Variants in CADM2 observed in about 807,000 individuals in gnomAD.
CADM2 encodes immunoglobulin superfamily member 4D.
In CADM2, 12 loss-of-function variants were observed where a neutral mutation model predicts 49.8. The observed-to-expected ratio is 0.24, with a 90% CI of 0.15 to 0.39. CADM2 has a LOEUF of 0.39. Ranked by LOEUF, CADM2 falls within the 10% of genes least tolerant of loss-of-function variation. The probability of loss-of-function intolerance (pLI) is 1.00; values close to 1 mark genes in which losing one functional copy is unlikely to be tolerated. For missense variants in CADM2, 378 were observed against 492.3 expected, an observed-to-expected ratio of 0.77 and a Z score of 2.20; for synonymous variants, 214 against 175.4, an observed-to-expected ratio of 1.22 and a Z score of -1.74.
chr3:85,409,493 G>T (rs2035559561), intron 1 of CADM2, among the ~76,000 whole-genome samples: 1 of 152,044 alleles, frequency 6.6e-6, no homozygotes, highest in Admixed American at 6.6e-5. Flanking sequence ...ATGGTCAGGG[G>T]CCATGTTGTG....
At chr3:85,254,602 A>G (rs1243062381) in intron 1 of CADM2, among the ~76,000 whole-genome samples, 1 of 152,132 alleles carries the variant, frequency 6.6e-6, no homozygotes, top group East Asian at 1.9e-4. Flanking sequence ...TGCCAAGAAC[A>G]AAGACAAAAA....
intron 1 of CADM2, among the ~76,000 whole-genome samples, chr3:85,672,191 C>CTT (rs5850710): frequency 0.01 from 1,273 of 124,278 alleles, 59 homozygotes; most frequent in South Asian, 0.096. Flanking sequence ...TCTAGGATGT[C>CTT]TTTTTTTTTT....
intron 1 of CADM2, among the ~76,000 whole-genome samples, chr3:85,338,853 C>G (rs2107184058): frequency 6.6e-6 from 1 of 151,528 alleles, no homozygotes; most frequent in South Asian, 2.1e-4. Context: ...AAGGCATCTA[C>G]TTAGATATAG....
At chr3:85,395,131 A>T (rs1576475309) in intron 1 of CADM2, among the ~76,000 whole-genome samples, 1 of 151,420 alleles carries the variant, frequency 6.6e-6, no homozygotes, top group Non-Finnish European at 1.5e-5. Flanking sequence ...AAAAAAAAAT[A>T]AAGCAATAAA....
At chr3:84,979,629 C>A (rs55804926) in intron 1 of CADM2, among the ~76,000 whole-genome samples, 1 of 151,690 alleles carries the variant, frequency 6.6e-6, no homozygotes. Flanking sequence ...CAGGAATAAA[C>A]TTCAATAAAT....
chr3:86,071,881 C>T lies in CADM2; in HGVS notation c.*5098C>T, dbSNP rs1456304694. 1.3e-5 allele frequency: 2 copies of T among 151,754 alleles called. No individual in the cohort carries two copies. The highest frequency in any genetic ancestry group is 2.9e-5 in the Non-Finnish European group (2 of 67,850). The allele number at this position is 151,754 out of a possible 1,614,324, so 9.4% of individuals were successfully genotyped here. On this transcript the variant is annotated 3_prime_UTR_variant, in exon 10 of 10. Coordinates refer to ENST00000383699, the MANE Select transcript of CADM2 (RefSeq NM_001167675.2). ...AATTAAAATGGCAACACTTTGCGAT[C>T]CAATCTGATATTTAATTTTTAAAAT...
chr3:85,946,907 C>T (rs758960904), intron 7 of CADM2, among the ~76,000 whole-genome samples: 1 of 152,060 alleles, frequency 6.6e-6, no homozygotes, highest in Non-Finnish European at 1.5e-5. Context: ...ATGTCTAAAA[C>T]ACCAAAAGCA....
At chr3:85,459,580 C>A (rs1231484673) in intron 1 of CADM2, among the ~76,000 whole-genome samples, 1 of 152,178 alleles carries the variant, frequency 6.6e-6, no homozygotes, top group East Asian at 1.9e-4. Context: ...TGACCCTAAC[C>A]AGATGCTGAA....
At chr3:85,672,727 T>C (rs1390806627) in intron 1 of CADM2, among the ~76,000 whole-genome samples, 1 of 152,094 alleles carries the variant, frequency 6.6e-6, no homozygotes, top group Admixed American at 6.6e-5. Flanking sequence ...AACACAAGCA[T>C]AAAAATAGTT....
At chr3:85,050,181 C>T (rs1024695616) in intron 1 of CADM2, among the ~76,000 whole-genome samples, 1 of 151,828 alleles carries the variant, frequency 6.6e-6, no homozygotes, top group Non-Finnish European at 1.5e-5. Context: ...AGCCACTGGT[C>T]TCCAATAACT....
intron 1 of CADM2, among the ~76,000 whole-genome samples, chr3:85,684,613 C>A (rs915454947): frequency 3.3e-5 from 5 of 152,116 alleles, no homozygotes; most frequent in Non-Finnish European, 7.4e-5. Flanking sequence ...TTAATGGACT[C>A]ATAGTTCCAC....
At chr3:85,009,311 T>A (rs1576022800) in intron 1 of CADM2, among the ~76,000 whole-genome samples, 1 of 152,072 alleles carries the variant, frequency 6.6e-6, no homozygotes, top group Admixed American at 6.6e-5. Flanking sequence ...TAAATATGAG[T>A]GGAAGATAGA....
At chr3:85,249,598 A>G (rs1381905105) in intron 1 of CADM2, among the ~76,000 whole-genome samples, 1 of 152,000 alleles carries the variant, frequency 6.6e-6, no homozygotes, top group East Asian at 1.9e-4. Flanking sequence ...ACATTACCAG[A>G]ATATCTTTCC....
At chr3:85,860,723 C>T (rs963959655) in intron 3 of CADM2, among the ~76,000 whole-genome samples, 4 of 152,132 alleles carry the variant, frequency 2.6e-5, no homozygotes, top group Non-Finnish European at 5.9e-5. Flanking sequence ...CAAAAGTCAT[C>T]CTTTCCTTAT....
intron 5 of CADM2, among the ~76,000 whole-genome samples, chr3:85,908,294 G>T (rs1717085255): frequency 8.0e-6 from 1 of 125,690 alleles, no homozygotes. Context: ...CTAACTTGAA[G>T]CATTTAAACT....
chr3:85,655,317 C>T (rs887471560), intron 1 of CADM2, among the ~76,000 whole-genome samples: 16 of 151,988 alleles, frequency 1.1e-4, no homozygotes, highest in African/African-American at 1.9e-4. Context: ...TCCGCCACCA[C>T]GCCCAATTAT....
At chr3:85,203,922 C>G (rs2107751517) in intron 1 of CADM2, among the ~76,000 whole-genome samples, 1 of 152,206 alleles carries the variant, frequency 6.6e-6, no homozygotes, top group Non-Finnish European at 1.5e-5. Context: ...CATTTAATAG[C>G]TGACCGTGAA....
At chr3:85,296,061 A>G (rs1223257944) in intron 1 of CADM2, among the ~76,000 whole-genome samples, 1 of 152,094 alleles carries the variant, frequency 6.6e-6, no homozygotes, top group Non-Finnish European at 1.5e-5. Flanking sequence ...AAATAATAAA[A>G]GCCACTATGA....
At chr3:85,242,443 G>A (rs1226167810) in intron 1 of CADM2, among the ~76,000 whole-genome samples, 1 of 151,320 alleles carries the variant, frequency 6.6e-6, no homozygotes, top group Non-Finnish European at 1.5e-5. Context: ...TGCCTTTATA[G>A]GAAAATGTTT....
Sources: allele counts gnomAD v4.1 joint callset (sites outside exome capture counted in the v4.1 genomes callset), GRCh38; gene constraint gnomAD v4.1.1; transcripts MANE v1.5; gene names NCBI Gene and HGNC (gene_info 2026-07-23, HGNC 2026-07-21).